Variants in WDR35 observed in about 807,000 individuals in gnomAD.
WDR35 encodes the protein WD repeat-containing protein 35.
WDR35 carries 118 observed loss-of-function variants against 158.3 expected under a neutral mutation model. That is an observed-to-expected ratio of 0.75 (90% CI 0.64 to 0.87). The LOEUF is 0.87. Ranked by LOEUF, WDR35 falls within the 40% of genes least tolerant of loss-of-function variation. WDR35 has a pLI of 0.00. For missense variants in WDR35, 1,263 were observed against 1,405.8 expected (o/e 0.90, Z 1.62); for synonymous variants, 448 against 476.1 (o/e 0.94, Z 0.77).
chr2:19,980,481 C>T (rs576609222), intron 4 of WDR35, among the ~76,000 whole-genome samples: 1 of 152,120 alleles, frequency 6.6e-6, no homozygotes, highest in South Asian at 2.1e-4. Context: ...CAACAGTCAC[C>T]TAATTCACTT....
chr2:19,975,663 C>T lies in WDR35; in HGVS notation c.437G>A (p.Gly146Asp). 1.9e-6 allele frequency: 3 copies of T among 1,613,976 alleles called. No homozygotes were observed. Among genetic ancestry groups the T allele is most frequent in the Non-Finnish European group, 2.5e-6 (3 of 1,179,932 alleles). ...CAGGTCTTTTCCCCAAATACGATTG[C>T]CTAAAACAAAACATTATTAAAAGTT... ...DGAVIVGSVDGNRIWGKDLKG... is the reference protein window; with the variant it reads ...DGAVIVGSVDDNRIWGKDLKG... The change falls in exon 6 of 27, where the codon GGC (glycine) becomes GAC (aspartate). Residue 146 changes from glycine (G) to aspartate (D), a missense_variant and splice_region_variant. By Grantham distance (94) the Gly-to-Asp change is moderately conservative. Coordinates refer to ENST00000281405, the MANE Select transcript of WDR35 (RefSeq NM_020779.4).
chr2:19,988,181 C>A (rs1672631318), intron 2 of WDR35, among the ~76,000 whole-genome samples: 1 of 152,194 alleles, frequency 6.6e-6, no homozygotes, highest in Non-Finnish European at 1.5e-5. Flanking sequence ...TCAATTTTCT[C>A]ACCTAGAATA....
intron 4 of WDR35, 84 bp downstream of exon 4, chr2:19,980,607 T>C: frequency 9.1e-7 from 1 of 1,104,366 alleles, no homozygotes; most frequent in South Asian, 1.3e-5. Flanking sequence ...GGGTCTATTT[T>C]GGAGATGTTA....
chr2:19,942,399 G>C (rs570578094), intron 16 of WDR35, among the ~76,000 whole-genome samples: 1 of 152,162 alleles, frequency 6.6e-6, no homozygotes, highest in East Asian at 1.9e-4. Context: ...CTCTTAAGAA[G>C]ATTTATTTGC....
intron 3 of WDR35, among the ~76,000 whole-genome samples, chr2:19,981,070 C>G (rs180695198): frequency 6.6e-6 from 1 of 152,130 alleles, no homozygotes; most frequent in African/African-American, 2.4e-5. Context: ...GAAACAAATA[C>G]AAGCATGGTT....
chr2:19,976,055 C>T (rs1672199803), intron 5 of WDR35, among the ~76,000 whole-genome samples: 2 of 152,218 alleles, frequency 1.3e-5, no homozygotes, highest in Non-Finnish European at 1.5e-5. Context: ...GGTATTTCCC[C>T]AGTCAGTCCC....
chr2:19,973,074 G>T (rs1209789759), intron 8 of WDR35, among the ~76,000 whole-genome samples: 1 of 151,934 alleles, frequency 6.6e-6, no homozygotes, highest in East Asian at 1.9e-4. Context: ...CATCACCTAA[G>T]ATTAATTATT....
rs767447512 is a variant in WDR35, at chr2:19,933,445, T to C, written c.2614A>G (p.Ser872Gly). 5.0e-6 allele frequency: 8 copies of C among 1,613,922 alleles called. No individual in the cohort carries two copies. Among genetic ancestry groups the C allele is most frequent in the Non-Finnish European group, 5.9e-6 (7 of 1,179,968 alleles). ...EQAVTAFLKC[S>G]QPKAAVDTCV... The stretch of plus-strand genomic sequence containing the variant: ...GTATCTACTGCTGCCTTTGGTTGAC[T>C]ACATTTCAAAAATGCAGTCACTGCT... Residue 872 changes from serine to glycine, a missense_variant, in exon 22 of 27, where the codon AGT becomes GGT. By Grantham distance (56) the Ser-to-Gly change is moderately conservative (BLOSUM62 0). Coordinates refer to ENST00000281405, the MANE Select transcript of WDR35 (RefSeq NM_020779.4).
At chr2:19,987,246 C>T (rs1672596288) in intron 2 of WDR35, among the ~76,000 whole-genome samples, 1 of 152,324 alleles carries the variant, frequency 6.6e-6, no homozygotes, top group African/African-American at 2.4e-5. Context: ...GACGGATCTG[C>T]TGAATCAACA....
intron 10 of WDR35, among the ~76,000 whole-genome samples, chr2:19,964,381 C>CTTTTTTTTTTTTTTTTTTTTCT (rs558586617): frequency 5.3e-5 from 6 of 113,418 alleles, no homozygotes; most frequent in East Asian, 2.4e-4. Context: ...CTTTTCTTTT[C>CTTTTTTTTTTTTTTTTTTTTCT]TTTTTTTTTT....
chr2:19,924,304 C>T (rs1283170875), intron 25 of WDR35, among the ~76,000 whole-genome samples: 1 of 152,132 alleles, frequency 6.6e-6, no homozygotes, highest in Non-Finnish European at 1.5e-5. Flanking sequence ...GTGGCTCATG[C>T]CTGTAATCCC....
At chr2:19,956,870 T>C (rs186300618) in intron 11 of WDR35, among the ~76,000 whole-genome samples, 426 of 152,216 alleles carry the variant, frequency 2.8e-3, no homozygotes, top group African/African-American at 9.3e-3. Flanking sequence ...CCGCCCGTCT[T>C]GGCCTCCCAA....
chr2:19,963,769 G>C (rs1483082160), intron 10 of WDR35, among the ~76,000 whole-genome samples: 1 of 151,832 alleles, frequency 6.6e-6, no homozygotes, highest in South Asian at 2.1e-4. Flanking sequence ...CTTTGAGACA[G>C]AGTCTCACTC....
chr2:19,969,922 T>C (rs1371277669), intron 8 of WDR35, among the ~76,000 whole-genome samples: 2 of 152,134 alleles, frequency 1.3e-5, no homozygotes, highest in Admixed American at 6.5e-5. Flanking sequence ...TAATTTTTTG[T>C]ATTTTTAGTA....
chr2:19,936,106 T>C, intron 20 of WDR35, 113 bp downstream of exon 20: 1 of 1,507,116 alleles, frequency 6.6e-7, no homozygotes, highest in Non-Finnish European at 9.0e-7. Flanking sequence ...CTATCTGAAT[T>C]TTAGAATTCA....
chr2:19,926,789 T>G (rs1670367370), intron 25 of WDR35, among the ~76,000 whole-genome samples: 1 of 152,130 alleles, frequency 6.6e-6, no homozygotes, highest in Non-Finnish European at 1.5e-5. Flanking sequence ...GGGGTAGAGG[T>G]TATGCTTGTG....
At chr2:19,949,890 A>G (rs1026875704) in intron 13 of WDR35, among the ~76,000 whole-genome samples, 1 of 152,210 alleles carries the variant, frequency 6.6e-6, no homozygotes, top group African/African-American at 2.4e-5. Flanking sequence ...ACTGATATAT[A>G]GAATATATAT....
At chr2:19,939,244 C>A (rs1288620132) in intron 17 of WDR35, among the ~76,000 whole-genome samples, 1 of 151,926 alleles carries the variant, frequency 6.6e-6, no homozygotes, top group Non-Finnish European at 1.5e-5. Context: ...ACTATTAAGA[C>A]TAAACAACTG....
At chr2:19,916,421 C>T (rs560286386) in intron 25 of WDR35, among the ~76,000 whole-genome samples, 4 of 152,210 alleles carry the variant, frequency 2.6e-5, no homozygotes, top group Non-Finnish European at 5.9e-5. Context: ...GGGCTGAAGC[C>T]AGGGAGCCAA....
Sources: gnomAD v4.1 joint callset for allele counts (sites outside exome capture counted in the v4.1 genomes callset) on GRCh38, gnomAD v4.1.1 for gene constraint, MANE v1.5 for transcripts, NCBI Gene and HGNC (gene_info 2026-07-23, HGNC 2026-07-21) for gene names.